SV2C: variants seen among roughly 807,000 people sequenced by gnomAD.
The protein encoded by SV2C is solute carrier family 22 member B3.
Under a neutral mutation model 79.7 loss-of-function variants are expected in SV2C, and 49 were observed. That is an observed-to-expected ratio of 0.61 (90% confidence interval 0.49 to 0.78). The LOEUF is 0.78. Ranked by LOEUF, SV2C falls within the 30% of genes least tolerant of loss-of-function variation. The pLI, the probability that SV2C is intolerant of heterozygous loss-of-function variation, is 0.00. For synonymous variants in SV2C, 334 were observed against 333.2 expected (o/e 1.00, Z -0.03); for missense variants, 833 against 912.9 (o/e 0.91, Z 1.13).
At chr5:75,933,743 A>ACCCCTTTCTTC in the SV2C span, among the ~76,000 whole-genome samples, 1 of 151,920 alleles carries the variant, frequency 6.6e-6, no homozygotes, top group African/African-American at 2.4e-5. Flanking sequence ...TGTCTTAATT[A>ACCCCTTTCTTC]CCCCTTTCTT....
At chr5:75,862,345 G>T in the SV2C span, among the ~76,000 whole-genome samples, 1 of 152,150 alleles carries the variant, frequency 6.6e-6, no homozygotes, top group East Asian at 1.9e-4. Flanking sequence ...GGCAGCTTGG[G>T]TTTAGACAGA....
intron 2 of SV2C, among the ~76,000 whole-genome samples, chr5:76,139,521 G>C (rs545624871): frequency 5.9e-5 from 9 of 152,222 alleles, no homozygotes; most frequent in Admixed American, 1.3e-4. Flanking sequence ...TCTATCAGTC[G>C]TGGTGAGGTT....
In SV2C at chr5:76,195,114, T is replaced by C; in HGVS notation, c.761+15T>C. On this transcript the variant is annotated intron_variant, in intron 3 of 12. Coordinates refer to ENST00000502798, the MANE Select transcript of SV2C (RefSeq NM_014979.4). ...TCTGGATTCGGGTAAGGTTTTCTCC[T>C]TCATATTTTATAGTAATGTGTTTAT... 1 of 1,609,236 alleles carries C rather than the reference T, an allele frequency of 6.2e-7. No homozygotes were observed. Among genetic ancestry groups the C allele is most frequent in the Non-Finnish European group, 8.5e-7 (1 of 1,178,476 alleles).
chr5:76,324,175 G>C (rs1748913686), intron 12 of SV2C, among the ~76,000 whole-genome samples: 1 of 152,000 alleles, frequency 6.6e-6, no homozygotes, highest in Non-Finnish European at 1.5e-5. Context: ...GCCCAGGCTG[G>C]TCTCAAACTC....
At chr5:76,307,850 C>A (rs1748255957) in intron 12 of SV2C, among the ~76,000 whole-genome samples, 1 of 151,994 alleles carries the variant, frequency 6.6e-6, no homozygotes, top group South Asian at 2.1e-4. Flanking sequence ...TCATTTAGTT[C>A]TTCTTTATTT....
chr5:76,253,723 A>G (rs1032727585), intron 4 of SV2C, among the ~76,000 whole-genome samples: 139 of 151,828 alleles, frequency 9.2e-4, no homozygotes, highest in Non-Finnish European at 1.1e-3. Context: ...AAAAAAAAAA[A>G]AAATCTCACC....
the SV2C span, among the ~76,000 whole-genome samples, chr5:76,050,095 TAATC>T: frequency 6.6e-6 from 1 of 152,226 alleles, no homozygotes; most frequent in African/African-American, 2.4e-5. Context: ...CTGAGAGGAA[TAATC>T]ACCTAAGGTG....
the SV2C span, among the ~76,000 whole-genome samples, chr5:75,962,883 G>C: frequency 2.0e-5 from 3 of 152,028 alleles, no homozygotes; most frequent in African/African-American, 7.2e-5. Flanking sequence ...AGAAAAATGA[G>C]AAAAGATGCT....
intron 2 of SV2C, among the ~76,000 whole-genome samples, chr5:76,139,930 C>T (rs549373022): frequency 5.0e-5 from 3 of 59,448 alleles, no homozygotes; most frequent in East Asian, 2.5e-4. Flanking sequence ...ACTGCAGTGG[C>T]GCAATCTCGG....
chr5:75,989,000 T>C, the SV2C span, among the ~76,000 whole-genome samples: 1 of 151,988 alleles, frequency 6.6e-6, no homozygotes, highest in African/African-American at 2.4e-5. Flanking sequence ...CTTTCCTTTG[T>C]CTTGTCATTT....
In SV2C at chr5:76,111,230, A is replaced by G. The variant is rs375729099; in HGVS notation, c.-101-20420A>G. Among the ~76,000 whole-genome samples the G allele has an allele frequency of 3.9e-5, 6 of 152,232 alleles. No individual in the cohort carries two copies. In the South Asian group the frequency reaches 1.0e-3, roughly 26 times the overall value. ...GATCCTCTAAATGGAAGCAGAATCT[A>G]TCAGATCTGTCTGCTCTGGGAGTTA... is the stretch of plus-strand genomic sequence containing the variant. On this transcript the variant is annotated intron_variant, in intron 1 of 12. Transcript: ENST00000502798.
chr5:76,284,295 A>G (rs541266992), intron 4 of SV2C, among the ~76,000 whole-genome samples: 7 of 152,012 alleles, frequency 4.6e-5, no homozygotes, highest in African/African-American at 1.7e-4. Flanking sequence ...TATTTTTATA[A>G]TATTTAGAAG....
chr5:75,881,870 T>C, the SV2C span, among the ~76,000 whole-genome samples: 16 of 147,146 alleles, frequency 1.1e-4, no homozygotes, highest in South Asian at 3.2e-3. Context: ...ATCCCTGTCT[T>C]GTGCCAGTTT....
In SV2C at chr5:76,205,148, C is replaced by CGTGTGT. The variant is rs3073534; in HGVS notation, c.762-4573_762-4568dup. On this transcript the variant is annotated intron_variant, in intron 3 of 12. Coordinates refer to ENST00000502798, the MANE Select transcript of SV2C (RefSeq NM_014979.4). The stretch of plus-strand genomic sequence containing the variant: ...TGTGCAGACCTATTGAGGTGTTGTG[C>CGTGTGT]GTGTGTGTGTGTGTGTGTGTATGTG... 2.4e-3 allele frequency among the ~76,000 whole-genome samples: 359 copies of CGTGTGT among 149,070 alleles called. 2 individuals carry two copies. The highest frequency in any genetic ancestry group is 8.0e-3 in the African/African-American group (325 of 40,722).
chr5:76,016,269 A>AAAAAAAAAAAAAAAAAAAC, the SV2C span, among the ~76,000 whole-genome samples: 1 of 150,990 alleles, frequency 6.6e-6, no homozygotes, highest in South Asian at 2.1e-4. Flanking sequence ...AAAAAAAAAA[A>AAAAAAAAAAAAAAAAAAAC]AAGCTGTGCA....
the SV2C span, among the ~76,000 whole-genome samples, chr5:75,852,537 A>G: frequency 2.6e-5 from 4 of 152,244 alleles, no homozygotes; most frequent in East Asian, 7.7e-4. Context: ...TTTTCAATCT[A>G]TAATTTCATA....
At chr5:76,254,200 A>G (rs892785881) in intron 4 of SV2C, among the ~76,000 whole-genome samples, 10 of 148,574 alleles carry the variant, frequency 6.7e-5, no homozygotes, top group South Asian at 2.1e-4. Flanking sequence ...GTATATATAT[A>G]TGTGTGTATA....
At chr5:75,977,748 T>G in the SV2C span, among the ~76,000 whole-genome samples, 2 of 152,176 alleles carry the variant, frequency 1.3e-5, no homozygotes, top group South Asian at 4.1e-4. Flanking sequence ...GCCTAATGGA[T>G]GTACTGCCCT....
intron 2 of SV2C, among the ~76,000 whole-genome samples, chr5:76,142,947 G>T (rs1218346161): frequency 1.4e-5 from 2 of 143,286 alleles, no homozygotes; most frequent in Non-Finnish European, 3.0e-5. Flanking sequence ...AGGCTAGAGT[G>T]CAGTGGTGCA....
Sources: gnomAD v4.1 joint callset for allele counts (sites outside exome capture counted in the v4.1 genomes callset) on GRCh38, gnomAD v4.1.1 for gene constraint, MANE v1.5 for transcripts, NCBI Gene and HGNC (gene_info 2026-07-23, HGNC 2026-07-21) for gene names.